Variants in GSE1 observed in about 807,000 individuals in gnomAD.
GSE1 encodes the protein Gse1 coiled-coil protein.
Under a neutral mutation model 112.6 loss-of-function variants are expected in GSE1, and 32 were observed. The observed-to-expected ratio is 0.28, with a 90% CI of 0.21 to 0.38. The LOEUF (loss-of-function observed/expected upper bound fraction) is 0.38, where lower values mean the gene tolerates loss of function less well. Ranked by LOEUF, GSE1 falls within the 10% of genes least tolerant of loss-of-function variation. The probability of loss-of-function intolerance (pLI) is 1.00; values close to 1 mark genes in which losing one functional copy is unlikely to be tolerated. For synonymous variants in GSE1, 1,115 were observed against 735.6 expected, an observed-to-expected ratio of 1.52 and a Z score of -8.35; for missense variants, 2,348 against 1,699.2, an observed-to-expected ratio of 1.38 and a Z score of -6.71.
At chr16:85,641,096 A>G (rs1463407141) in intron 2 of GSE1, among the ~76,000 whole-genome samples, 5 of 152,180 alleles carry the variant, frequency 3.3e-5, no homozygotes, top group African/African-American at 9.6e-5. Context: ...GGCCTCCCCT[A>G]GCCACGTGGA....
intron 1 of GSE1, among the ~76,000 whole-genome samples, chr16:85,631,117 T>C (rs919485212): frequency 2.0e-5 from 3 of 152,230 alleles, no homozygotes; most frequent in Admixed American, 6.5e-5. Flanking sequence ...ACCTGGTTCA[T>C]TGATGTCCGT....
chr16:85,426,306 G>A (rs1377675828), intron 2 of GSE1, among the ~76,000 whole-genome samples: 4 of 142,712 alleles, frequency 2.8e-5, no homozygotes, highest in Non-Finnish European at 6.1e-5. Flanking sequence ...TGGGAGGAAG[G>A]AAGGAAGGGT....
intron 1 of GSE1, among the ~76,000 whole-genome samples, chr16:85,624,946 T>C (rs1166688129): frequency 6.6e-6 from 1 of 152,222 alleles, no homozygotes; most frequent in African/African-American, 2.4e-5. Flanking sequence ...GCAGCTTTGC[T>C]TTCTGGGGTC....
intron 1 of GSE1, among the ~76,000 whole-genome samples, chr16:85,259,315 GTGCTCCACCCTGGCCCACCCT>G: frequency 6.6e-6 from 1 of 151,786 alleles, no homozygotes; most frequent in African/African-American, 2.4e-5. Context: ...GGCCCACCCT[GTGCTCCACCCTGGCCCACCCT>G]GTGCTCGCCC....
At chr16:85,504,088 G>A (rs1358891788) in intron 2 of GSE1, among the ~76,000 whole-genome samples, 1 of 152,226 alleles carries the variant, frequency 6.6e-6, no homozygotes, top group Non-Finnish European at 1.5e-5. Context: ...TTCCAGGCCT[G>A]TGTTTACTGC....
At chr16:85,639,564 G>T (rs16975769) in intron 2 of GSE1, among the ~76,000 whole-genome samples, 19,638 of 152,304 alleles carry the variant, frequency 0.13, 1,341 homozygotes, top group Middle Eastern at 0.18. Flanking sequence ...GGAGGTGCTT[G>T]TTGACTGACT....
upstream of GSE1, among the ~76,000 whole-genome samples, chr16:85,609,426 G>A (rs886073439): frequency 3.9e-5 from 6 of 152,226 alleles, no homozygotes; most frequent in African/African-American, 1.2e-4. Context: ...GGTGCTTGCT[G>A]AAGGCTTACT....
intron 1 of GSE1, among the ~76,000 whole-genome samples, chr16:85,317,870 G>A (rs577100481): frequency 1.8e-4 from 28 of 152,348 alleles, no homozygotes; most frequent in African/African-American, 5.8e-4. Context: ...GGAAACTATC[G>A]TGTGAATCGT....
At position 85,658,531 on chromosome 16, in the gene GSE1, C is replaced by T. The variant is rs1304222635; in HGVS notation, c.1640+927C>T. On this transcript the variant is annotated intron_variant, in intron 8 of 15. Coordinates refer to ENST00000253458, the MANE Select transcript of GSE1 (RefSeq NM_014615.5). Reference sequence around the variant, plus strand: ...GTTGGTGGTTTAAAATCTGTCCTCCCTTCTGCCTGCCTCCGTTATCCAGTA... The same window carrying T: ...GTTGGTGGTTTAAAATCTGTCCTCCTTTCTGCCTGCCTCCGTTATCCAGTA... 3.3e-5 allele frequency among the ~76,000 whole-genome samples: 5 copies of T among 152,332 alleles called. No individual in the cohort carries two copies. The South Asian group carries it at 8.3e-4, about 25-fold the overall frequency.
chr16:85,665,398 C>T (rs939635810), intron 12 of GSE1, among the ~76,000 whole-genome samples: 19 of 152,232 alleles, frequency 1.2e-4, no homozygotes, highest in African/African-American at 4.6e-4. Flanking sequence ...AACCGTTGTC[C>T]TTCAGTTACG....
intron 1 of GSE1, among the ~76,000 whole-genome samples, chr16:85,175,161 T>C (rs2143191582): frequency 6.6e-6 from 1 of 152,016 alleles, no homozygotes; most frequent in East Asian, 1.9e-4. Context: ...AGGAGGAGGG[T>C]GTCCCCTGCA....
In GSE1 at chr16:85,224,301, C is replaced by CAAAAAAA. The variant is rs55755242; in HGVS notation, c.2283+52518_2283+52524dup. Among the ~76,000 whole-genome samples the CAAAAAAA allele has an allele frequency of 1.2e-3, 45 of 38,808 alleles. 3 individuals are homozygous for CAAAAAAA. Among genetic ancestry groups the CAAAAAAA allele is most frequent in the African/African-American group, 2.6e-3 (24 of 9,214 alleles). 25.5% of individuals were successfully genotyped at this position (38,808 alleles called of 152,430 possible). On this transcript the variant is annotated intron_variant, in intron 1 of 2. Transcript: ENST00000637419. ...TGAAACCCTATCTCTACTAAAAATA[C>CAAAAAAA]AAAAAAAAAAAAAAAAAAAAAAAAA...
chr16:85,233,454 C>T (rs547806855), intron 1 of GSE1, among the ~76,000 whole-genome samples: 1 of 152,304 alleles, frequency 6.6e-6, no homozygotes, highest in Admixed American at 6.5e-5. Context: ...GGGCCCCGTT[C>T]TCTCCTCCTG....
intron 2 of GSE1, among the ~76,000 whole-genome samples, chr16:85,468,385 T>C (rs1252729004): frequency 1.3e-5 from 2 of 150,212 alleles, no homozygotes; most frequent in African/African-American, 2.5e-5. Context: ...GACGCGACCT[T>C]AACTCACTGC....
chr16:85,431,313 C>T (rs1227044508), intron 2 of GSE1, among the ~76,000 whole-genome samples: 2 of 152,258 alleles, frequency 1.3e-5, no homozygotes, highest in African/African-American at 2.4e-5. Flanking sequence ...CGCTCAGGCC[C>T]AGCCCGCGGT....
At chr16:85,586,835 C>G (rs781166875) in intron 1 of GSE1, among the ~76,000 whole-genome samples, 1 of 152,240 alleles carries the variant, frequency 6.6e-6, no homozygotes, top group Non-Finnish European at 1.5e-5. Flanking sequence ...CCCTACTCCC[C>G]CAGCTCAGGC....
intron 2 of GSE1, among the ~76,000 whole-genome samples, chr16:85,375,746 C>G (rs540465718): frequency 6.6e-6 from 1 of 152,346 alleles, no homozygotes; most frequent in Admixed American, 6.5e-5. Context: ...GCCTGCCTGT[C>G]TCTCCCGGGG....
intron 2 of GSE1, among the ~76,000 whole-genome samples, chr16:85,428,860 C>T (rs1019483251): frequency 1.3e-5 from 2 of 152,158 alleles, no homozygotes; most frequent in Admixed American, 6.5e-5. Context: ...CTGGGGGGTC[C>T]CTGGTGTTGA....
At position 85,654,443 on chromosome 16, in the gene GSE1, C is replaced by T. The variant is rs555188540; in HGVS notation, c.592C>T (p.Pro198Ser). 1 of 1,567,114 alleles carries T rather than the reference C, an allele frequency of 6.4e-7. No individual in the cohort carries two copies. Among genetic ancestry groups the T allele is most frequent in the Non-Finnish European group, 8.7e-7 (1 of 1,154,768 alleles). The change falls in exon 4 of 16, where the codon CCA (proline) becomes TCA (serine). Residue 198 changes from proline (P) to serine (S), a missense_variant. By Grantham distance (74) the Pro-to-Ser change is moderately conservative (BLOSUM62 -1). Transcript: ENST00000253458. ...AGTTGTGCAGGATTCCCGCTTCCCGCCACTCAAGTAAGTTGGTCGGCGGGG... is the reference window on the plus strand; with the variant it reads ...AGTTGTGCAGGATTCCCGCTTCCCGTCACTCAAGTAAGTTGGTCGGCGGGG... ...SSVVQDSRFP[P>S]LNLQRPVHHV... is the part of the protein sequence containing the mutation.
Sources: allele counts gnomAD v4.1 joint callset (sites outside exome capture counted in the v4.1 genomes callset), GRCh38; gene constraint gnomAD v4.1.1; transcripts MANE v1.5; gene names NCBI Gene and HGNC (gene_info 2026-07-23, HGNC 2026-07-21).